The following PDSS2 variants were observed in gnomAD, a reference collection of about 807,000 sequenced individuals.
PDSS2 encodes all trans-polyprenyl-diphosphate synthase PDSS2.
A neutral mutation model predicts 44.5 loss-of-function variants in PDSS2; 31 were observed. That is an observed-to-expected ratio of 0.70 (90% confidence interval 0.52 to 0.94). The LOEUF (loss-of-function observed/expected upper bound fraction) is 0.94. Among genes scored for constraint, PDSS2 ranks in the 40% least tolerant of loss-of-function variants. PDSS2 has a pLI of 0.00. For missense variants in PDSS2, 452 were observed against 482.2 expected (o/e 0.94, Z 0.59); for synonymous variants, 157 against 180.3 (o/e 0.87, Z 1.03).
chr6:107,452,600 A>G (rs1437400181), intron 1 of PDSS2, among the ~76,000 whole-genome samples: 1 of 151,150 alleles, frequency 6.6e-6, no homozygotes, highest in Non-Finnish European at 1.5e-5. Flanking sequence ...ATTTGCAAAT[A>G]TTTTCTCCCA....
chr6:107,418,063 T>A (rs1485776924), intron 1 of PDSS2, among the ~76,000 whole-genome samples: 3 of 152,062 alleles, frequency 2.0e-5, no homozygotes, highest in Non-Finnish European at 4.4e-5. Context: ...AAAGTGACAA[T>A]CATTGTGTTA....
At chr6:107,364,176 C>A (rs1263731291) in intron 1 of PDSS2, among the ~76,000 whole-genome samples, 2 of 152,254 alleles carry the variant, frequency 1.3e-5, no homozygotes, top group Non-Finnish European at 2.9e-5. Flanking sequence ...GCCCAGCTGG[C>A]TTCACCTAGT....
chr6:107,458,082 A>G (rs901369998), intron 1 of PDSS2, among the ~76,000 whole-genome samples: 8 of 152,104 alleles, frequency 5.3e-5, no homozygotes, highest in African/African-American at 1.7e-4. Flanking sequence ...TAGCAGGTGG[A>G]TCTGATTAAA....
chr6:107,184,158 A>G (rs1446268962), intron 7 of PDSS2, among the ~76,000 whole-genome samples: 1 of 152,176 alleles, frequency 6.6e-6, no homozygotes, highest in Non-Finnish European at 1.5e-5. Context: ...CTGCCCAAGA[A>G]AGGGGTACAG....
chr6:107,340,649 C>T (rs1001743821), intron 1 of PDSS2, among the ~76,000 whole-genome samples: 1 of 152,194 alleles, frequency 6.6e-6, no homozygotes, highest in Non-Finnish European at 1.5e-5. Context: ...AAGCAGCTAT[C>T]AGTGCACAAC....
chr6:107,383,960 G>A (rs1386614851), intron 1 of PDSS2, among the ~76,000 whole-genome samples: 1 of 152,210 alleles, frequency 6.6e-6, no homozygotes, highest in Non-Finnish European at 1.5e-5. Flanking sequence ...ACAAGAACTT[G>A]TAAACTAATG....
intron 1 of PDSS2, among the ~76,000 whole-genome samples, chr6:107,358,595 T>C (rs902501188): frequency 5.3e-5 from 8 of 152,178 alleles, no homozygotes; most frequent in African/African-American, 1.9e-4. Context: ...AAGTAGCCAG[T>C]AAAAGCCATT....
chr6:107,374,310 C>A lies in PDSS2; in HGVS notation c.297-39978G>T, dbSNP rs189859475. Among the ~76,000 whole-genome samples the A allele has an allele frequency of 6.0e-5, 9 of 151,130 alleles. No individual in the cohort carries two copies. In the East Asian group the frequency reaches 1.7e-3, roughly 29 times the overall value. ...AAAGCAACTAACAGCAGCTAATACT[C>A]TTATGTGGTGTTGCTAAAGTTAATG... is the stretch of plus-strand genomic sequence containing the variant. On this transcript the variant is annotated intron_variant, in intron 1 of 7. Transcript: ENST00000369037.
At chr6:107,220,687 C>T (rs1773573146) in intron 4 of PDSS2, among the ~76,000 whole-genome samples, 1 of 152,010 alleles carries the variant, frequency 6.6e-6, no homozygotes, top group African/African-American at 2.4e-5. Context: ...AATACACGAT[C>T]ACTGGAAAAA....
At chr6:107,225,708 T>C (rs1773797228) in intron 4 of PDSS2, among the ~76,000 whole-genome samples, 1 of 152,112 alleles carries the variant, frequency 6.6e-6, no homozygotes, top group South Asian at 2.1e-4. Flanking sequence ...CTAGAAAAAT[T>C]CTTTTGATCT....
chr6:107,324,678 A>T (rs1304090516), intron 2 of PDSS2, among the ~76,000 whole-genome samples: 4 of 152,150 alleles, frequency 2.6e-5, no homozygotes, highest in African/African-American at 9.7e-5. Flanking sequence ...ATGTTATCTT[A>T]AAAACAAAAC....
intron 3 of PDSS2, among the ~76,000 whole-genome samples, chr6:107,259,653 C>A (rs755451705): frequency 6.8e-6 from 1 of 147,170 alleles, no homozygotes; most frequent in East Asian, 2.0e-4. Flanking sequence ...CCAGCCTGGG[C>A]GACAGAACAA....
chr6:107,270,212 G>A (rs1328537346), intron 3 of PDSS2, among the ~76,000 whole-genome samples: 2 of 152,028 alleles, frequency 1.3e-5, no homozygotes, highest in Non-Finnish European at 2.9e-5. Context: ...AGGTTCGAGC[G>A]ATTCTCGTGC....
chr6:107,408,973 A>C (rs772413618), intron 1 of PDSS2, among the ~76,000 whole-genome samples: 2 of 152,226 alleles, frequency 1.3e-5, no homozygotes, highest in Non-Finnish European at 2.9e-5. Flanking sequence ...GGTGGCATTC[A>C]AGTCACGTAA....
At chr6:107,292,974 G>A (rs899761889) in intron 2 of PDSS2, among the ~76,000 whole-genome samples, 11 of 152,164 alleles carry the variant, frequency 7.2e-5, no homozygotes, top group African/African-American at 2.7e-4. Flanking sequence ...TGGGTGCGGC[G>A]GCTGTCACTG....
At chr6:107,195,195 C>T (rs563566740) in intron 6 of PDSS2, among the ~76,000 whole-genome samples, 1 of 151,614 alleles carries the variant, frequency 6.6e-6, no homozygotes, top group African/African-American at 2.4e-5. Context: ...AATATTGGTC[C>T]TAAAGCTGGG....
At chr6:107,402,554 A>T (rs59906842) in intron 1 of PDSS2, among the ~76,000 whole-genome samples, 8,560 of 61,654 alleles carry the variant, frequency 0.14, 859 homozygotes, top group African/African-American at 0.32. Context: ...TATATATATA[A>T]AAATATATAT....
chr6:107,411,352 T>C (rs1262163916), intron 1 of PDSS2, among the ~76,000 whole-genome samples: 3 of 152,254 alleles, frequency 2.0e-5, no homozygotes, highest in Non-Finnish European at 2.9e-5. Flanking sequence ...CTACCAACAA[T>C]GTATGACATC....
At chr6:107,243,744 G>A (rs1368881485) in intron 4 of PDSS2, among the ~76,000 whole-genome samples, 1 of 152,196 alleles carries the variant, frequency 6.6e-6, no homozygotes, top group Admixed American at 6.5e-5. Context: ...GGTCCTGGCT[G>A]GGGCTCCACT....
Sources: allele counts gnomAD v4.1 joint callset (sites outside exome capture counted in the v4.1 genomes callset), GRCh38; gene constraint gnomAD v4.1.1; transcripts MANE v1.5; gene names NCBI Gene and HGNC (gene_info 2026-07-23, HGNC 2026-07-21).